The following TPH2 variants were observed in gnomAD, a reference collection of about 807,000 sequenced individuals.
TPH2 encodes tryptophan 5-hydroxylase 2.
Under a neutral mutation model 59.1 loss-of-function variants are expected in TPH2, and 27 were observed. That is an observed-to-expected ratio of 0.46 (90% CI 0.34 to 0.63). The LOEUF (loss-of-function observed/expected upper bound fraction) is 0.63. Ranked by LOEUF, TPH2 falls within the 30% of genes least tolerant of loss-of-function variation. The pLI is 0.01. For missense variants in TPH2, 523 were observed against 588.3 expected (o/e 0.89, Z 1.15); for synonymous variants, 220 against 210.5 (o/e 1.05, Z -0.39).
intron 7 of TPH2, among the ~76,000 whole-genome samples, chr12:71,992,130 C>T (rs560300621): frequency 9.2e-5 from 14 of 152,216 alleles, no homozygotes; most frequent in Non-Finnish European, 5.9e-5. Context: ...GAAATACTGA[C>T]TACATTTTTA....
At chr12:72,020,042 A>G (rs1487274) in intron 8 of TPH2, among the ~76,000 whole-genome samples, 79,816 of 151,762 alleles carry the variant, frequency 0.53, 22,254 homozygotes, top group Non-Finnish European at 0.64. Context: ...AGTGCTTATT[A>G]GGCTCTTGTT....
rs1025304244 is a variant in TPH2 at position 71,962,782 on chromosome 12, G to A, written c.609-9737G>A. On this transcript the variant is annotated intron_variant, in intron 5 of 10. Coordinates refer to ENST00000333850, the MANE Select transcript of TPH2 (RefSeq NM_173353.4). ...CATCCAAGCTGAGGTGCAGTGGCAC[G>A]ATCTCAGCTCACTGCAACCTCCGCC... 1.1e-5 allele frequency: 8 copies of A among 745,682 alleles called. No individual in the cohort carries two copies. The South Asian group carries it at 1.8e-4, about 17-fold the overall frequency. 46.2% of individuals were successfully genotyped at this position (745,682 alleles called of 1,614,324 possible). A position where few individuals can be genotyped will look rare whatever the true frequency, so the allele number is the denominator to read the frequency against.
intron 8 of TPH2, among the ~76,000 whole-genome samples, chr12:71,998,379 G>A (rs1027224624): frequency 1.8e-4 from 28 of 152,136 alleles, no homozygotes; most frequent in African/African-American, 6.5e-4. Context: ...ACCTCACACA[G>A]TGTGAGGAGG....
intron 2 of TPH2, among the ~76,000 whole-genome samples, chr12:71,942,927 A>G (rs780963911): frequency 4.6e-5 from 7 of 152,188 alleles, no homozygotes; most frequent in Non-Finnish European, 2.9e-5. Context: ...TGCAGTGGAT[A>G]AATTCCTGGA....
At chr12:71,941,526 G>A (rs1397285167) in intron 1 of TPH2, 58 bp from the exon 2 acceptor site, 14 of 1,570,828 alleles carry the variant, frequency 8.9e-6, no homozygotes, top group South Asian at 4.6e-5. Flanking sequence ...ATCTAATTAC[G>A]GAGGATTCTG....
At chr12:71,982,599 C>A (rs1872315645) in intron 7 of TPH2, among the ~76,000 whole-genome samples, 1 of 152,244 alleles carries the variant, frequency 6.6e-6, no homozygotes, top group Non-Finnish European at 1.5e-5. Flanking sequence ...CTGTTTCCTG[C>A]CCAAGCACTT....
At chr12:72,013,443 G>T (rs2139237248) in intron 8 of TPH2, among the ~76,000 whole-genome samples, 1 of 152,112 alleles carries the variant, frequency 6.6e-6, no homozygotes, top group Non-Finnish European at 1.5e-5. Flanking sequence ...TGTGCCTTTT[G>T]GGTTCCCTGA....
chr12:71,998,051 T>C (rs1035602186), intron 8 of TPH2, among the ~76,000 whole-genome samples: 1 of 152,222 alleles, frequency 6.6e-6, no homozygotes, highest in African/African-American at 2.4e-5. Context: ...AGTCTTATGA[T>C]GACTTTGAAA....
rs1870973879 is a variant in TPH2 at position 71,938,930 on chromosome 12, C to T, written c.-57C>T. On this transcript the variant is annotated 5_prime_UTR_variant, in exon 1 of 11. Transcript: ENST00000333850. ...CCCTTCCTCTCAATCTCCGCCAGCG[C>T]TGCTACTGCCCCTCTAGTACCCCCT... is the stretch of plus-strand genomic sequence containing the variant. 1.7e-5 allele frequency: 25 copies of T among 1,442,494 alleles called. No individual in the cohort carries two copies. Among genetic ancestry groups the T allele is most frequent in the Admixed American group, 1.2e-4 (7 of 59,790 alleles). 89.4% of individuals were successfully genotyped at this position (1,442,494 alleles called of 1,614,324 possible).
At chr12:71,955,364 T>TATCCTTATTAAA (rs1451861053) in intron 5 of TPH2, among the ~76,000 whole-genome samples, 3 of 152,218 alleles carry the variant, frequency 2.0e-5, no homozygotes, top group Non-Finnish European at 4.4e-5. Context: ...TGTACTTTGT[T>TATCCTTATTAAA]ATCCTTATTA....
intron 5 of TPH2, chr12:71,962,520 T>C (rs1217557423): frequency 1.0e-6 from 1 of 984,946 alleles, no homozygotes; most frequent in Admixed American, 6.2e-5. Flanking sequence ...AAATTGTACA[T>C]AGGAATAATT....
At position 72,022,482 on chromosome 12, in the gene TPH2, T is replaced by A. The variant is rs1207709300; in HGVS notation, c.1152T>A (p.Ile384=). Residue 384 remains isoleucine, a synonymous_variant, in exon 9 of 11, where the codon ATT becomes ATA. Coordinates refer to ENST00000333850, the MANE Select transcript of TPH2 (RefSeq NM_173353.4). ...RAYGAGLLSS[I]GELKHALSDK... is the part of the protein sequence containing the mutation. ...ATGGAGCAGGACTCCTTTCCTCCATTGGAGAATTAAAGGTATGAAGCTGTG... is the reference window on the plus strand; with the variant it reads ...ATGGAGCAGGACTCCTTTCCTCCATAGGAGAATTAAAGGTATGAAGCTGTG... 1 of 1,612,896 alleles carries A rather than the reference T, an allele frequency of 6.2e-7. No homozygotes were observed. The highest frequency in any genetic ancestry group is 8.5e-7 in the Non-Finnish European group (1 of 1,178,892).
At chr12:71,977,576 C>A (rs925514559) in intron 6 of TPH2, among the ~76,000 whole-genome samples, 1 of 152,126 alleles carries the variant, frequency 6.6e-6, no homozygotes, top group Non-Finnish European at 1.5e-5. Context: ...CCTCACTTAA[C>A]GTCATCGATA....
chr12:72,018,586 C>T (rs1247039375), intron 8 of TPH2, among the ~76,000 whole-genome samples: 3 of 152,116 alleles, frequency 2.0e-5, no homozygotes, highest in African/African-American at 7.2e-5. Flanking sequence ...CTGACCCAAA[C>T]GCTCCTGTAG....
intron 4 of TPH2, 81 bp from the exon 5 acceptor site, chr12:71,949,507 C>T (rs11179003): frequency 0.037 from 42,618 of 1,154,528 alleles, 1,449 homozygotes; most frequent in South Asian, 0.12. Context: ...AACACTCAGA[C>T]ACCACAGTGA....
At chr12:72,029,429 A>G (rs1217342005) in intron 9 of TPH2, among the ~76,000 whole-genome samples, 1 of 152,212 alleles carries the variant, frequency 6.6e-6, no homozygotes, top group Non-Finnish European at 1.5e-5. Flanking sequence ...GGATGCAAAG[A>G]AAGCTAATTC....
At chr12:71,975,217 C>A (rs370121215) in intron 6 of TPH2, among the ~76,000 whole-genome samples, 1 of 152,044 alleles carries the variant, frequency 6.6e-6, no homozygotes, top group Non-Finnish European at 1.5e-5. Flanking sequence ...TGGTGGTGGG[C>A]GCCTGCAGTC....
chr12:71,941,157 T>G (rs1367029339), intron 1 of TPH2, among the ~76,000 whole-genome samples: 2 of 152,220 alleles, frequency 1.3e-5, no homozygotes, highest in Non-Finnish European at 2.9e-5. Context: ...AAAATTATTT[T>G]CAAAAATATG....
intron 8 of TPH2, among the ~76,000 whole-genome samples, chr12:72,012,638 A>G (rs1488090486): frequency 6.6e-6 from 1 of 152,240 alleles, no homozygotes; most frequent in Non-Finnish European, 1.5e-5. Context: ...GATGGTTGTC[A>G]TGACCTACCA....
Sources: allele counts gnomAD v4.1 joint callset (sites outside exome capture counted in the v4.1 genomes callset), GRCh38; gene constraint gnomAD v4.1.1; transcripts MANE v1.5; gene names NCBI Gene and HGNC (gene_info 2026-07-23, HGNC 2026-07-21).